TNFRSF1A: variants seen among roughly 807,000 people sequenced by gnomAD.
TNFRSF1A encodes the protein TNF receptor superfamily member 1A.
In TNFRSF1A, 9 loss-of-function variants were observed where a neutral mutation model predicts 41.6. The ratio of observed to expected loss-of-function variants is 0.22; its 90% CI spans 0.13 to 0.38. The LOEUF is 0.38. TNFRSF1A is among the 10% of genes least tolerant of loss of function. The pLI, the probability that TNFRSF1A is intolerant of heterozygous loss-of-function variation, is 1.00. For synonymous variants in TNFRSF1A, 254 were observed against 248.6 expected, an observed-to-expected ratio of 1.02 and a Z score of -0.21; for missense variants, 463 against 591.5, an observed-to-expected ratio of 0.78 and a Z score of 2.25.
chr12:6,339,108 T>C (rs902431226), intron 1 of TNFRSF1A, among the ~76,000 whole-genome samples: 1 of 152,226 alleles, frequency 6.6e-6, no homozygotes, highest in African/African-American at 2.4e-5. Flanking sequence ...TTTCTCAACA[T>C]GGTTTTTCCA....
chr12:6,339,841 T>TCTCTCACACA (rs762783221), intron 1 of TNFRSF1A, among the ~76,000 whole-genome samples: 4 of 113,738 alleles, frequency 3.5e-5, no homozygotes, highest in East Asian at 4.4e-4. Flanking sequence ...TCTCTCTCTC[T>TCTCTCACACA]CACACACACA....
At chr12:6,330,959 C>G in intron 5 of TNFRSF1A, 33 bp from the exon 6 acceptor site, 3 of 1,587,266 alleles carry the variant, frequency 1.9e-6, no homozygotes, top group East Asian at 2.2e-5. Flanking sequence ...TGAACAGAGG[C>G]CCTACCATTG....
Position 6,333,436 on chromosome 12 carries a change from A to C in TNFRSF1A, c.403T>G (p.Tyr135Asp). The C allele has an allele frequency of 1.2e-6, 2 of 1,614,064 alleles. No homozygotes were observed. Among genetic ancestry groups the C allele is most frequent in the Non-Finnish European group, 1.7e-6 (2 of 1,180,002 alleles). The part of the protein sequence containing the change: ...CGCRKNQYRH[Y>D]WSENLFQCFN... ...CACTGGAAAAGGTTTTCACTCCAAT[A>C]ATGCCGGTACTGGTTCTTCCTGCAG... Residue 135 changes from tyrosine to aspartate, a missense_variant, in exon 4 of 10, where the codon TAT becomes GAT. Coordinates refer to ENST00000162749, the MANE Select transcript of TNFRSF1A (RefSeq NM_001065.4). This position sits in a 1 kb window ranked among gnomAD's most constrained non-coding sequence, Gnocchi z 6.3.
chr12:6,333,220 G>T lies in TNFRSF1A; in HGVS notation c.473-73C>A. On this transcript the variant is annotated intron_variant, in intron 4 of 9. Transcript: ENST00000162749. The surrounding 1 kb of genome is among the most constrained non-coding windows in gnomAD (Gnocchi z 6.3). ...CACCCCACAGGACAGAGGAAGTGAC[G>T]AGGGACAGGGTGGGGGCGGCCAGAG... The T allele has an allele frequency of 6.4e-7, 1 of 1,567,568 alleles. No individual in the cohort carries two copies. Among genetic ancestry groups the T allele is most frequent in the Non-Finnish European group, 8.8e-7 (1 of 1,142,590 alleles).
In TNFRSF1A at chr12:6,341,736, T is replaced by G. The variant is rs1377617240; in HGVS notation, c.39+40A>C. ...GGGCCCACGCCAGCCGGAAGGTGCCTCGCCCACCAGCCCACTCTTCCCTTT... is the reference window on the plus strand; with the variant it reads ...GGGCCCACGCCAGCCGGAAGGTGCCGCGCCCACCAGCCCACTCTTCCCTTT... On this transcript the variant is annotated intron_variant, in intron 1 of 9. Transcript: ENST00000162749. The surrounding 1 kb of genome is among the most constrained non-coding windows in gnomAD (Gnocchi z 4.6). 2 of 1,612,908 alleles carry G rather than the reference T, an allele frequency of 1.2e-6. No homozygotes were observed. The highest frequency in any genetic ancestry group is 1.7e-6 in the Non-Finnish European group (2 of 1,179,524).
At chr12:6,330,453 C>A in intron 7 of TNFRSF1A, 145 bp downstream of exon 7, 1 of 996,398 alleles carries the variant, frequency 1.0e-6, no homozygotes, top group Non-Finnish European at 1.6e-6. Flanking sequence ...TCTCCCCAGC[C>A]ATCCAGGGCC....
At position 6,329,172 on chromosome 12, in the gene TNFRSF1A, A is replaced by C; in HGVS notation, c.*140T>G. 2.6e-6 allele frequency: 2 copies of C among 781,318 alleles called. No individual in the cohort carries two copies. The highest frequency in any genetic ancestry group is 1.8e-5 in the African/African-American group (1 of 55,534). The allele number at this position is 781,318 out of a possible 1,614,324, so 48.4% of individuals were successfully genotyped here. A position where few individuals can be genotyped will look rare whatever the true frequency, so the allele number is the denominator to read the frequency against. ...GGCGCGCAGGCAGCTGAGAAAAGCT[A>C]TGTACATCGAGGGGTTAGCACCAAG... On this transcript the variant is annotated 3_prime_UTR_variant, in exon 10 of 10. Coordinates refer to ENST00000162749, the MANE Select transcript of TNFRSF1A (RefSeq NM_001065.4).
At position 6,330,645 on chromosome 12, in the gene TNFRSF1A, C is replaced by A. The variant is rs773500703; in HGVS notation, c.692G>T (p.Gly231Val). The change falls in exon 7 of 10, where the codon GGT becomes GTT. Residue 231 changes from glycine to valine, a missense_variant. Coordinates refer to ENST00000162749, the MANE Select transcript of TNFRSF1A (RefSeq NM_001065.4). ...GLCLLSLLFI[G>V]LMYRYQRWKS... ...CCACCGTTGGTAGCGATACATTAAA[C>A]CAATGAAGAGGAGGGATAAAAGGCA... is the stretch of plus-strand genomic sequence containing the variant. 6.2e-7 allele frequency: 1 copy of A among 1,613,946 alleles called. No homozygotes were observed. Among genetic ancestry groups the A allele is most frequent in the South Asian group, 1.1e-5 (1 of 91,070 alleles).
chr12:6,330,741 A>T (rs779473595), intron 6 of TNFRSF1A, 30 bp from the exon 7 acceptor site: 1 of 1,596,446 alleles, frequency 6.3e-7, no homozygotes, highest in Admixed American at 1.7e-5. Flanking sequence ...TGGTCAGAGG[A>T]GCGGGCAGAG....
Position 6,333,663 on chromosome 12 carries a change from C to T in TNFRSF1A, c.322+74G>A. On this transcript the variant is annotated intron_variant, in intron 3 of 9. Transcript: ENST00000162749. This position sits in a 1 kb window ranked among gnomAD's most constrained non-coding sequence, Gnocchi z 6.3. ...AAACACACACCTTCCTGCCCACACC[C>T]ACCAGCCTGCACATAGACAGGCACC... 1 of 1,561,546 alleles carries T rather than the reference C, an allele frequency of 6.4e-7. No individual in the cohort carries two copies. Among genetic ancestry groups the T allele is most frequent in the Non-Finnish European group, 8.7e-7 (1 of 1,152,316 alleles).
In TNFRSF1A at chr12:6,333,950, C is replaced by A; in HGVS notation, c.194-85G>T. On this transcript the variant is annotated intron_variant, in intron 2 of 9. Transcript: ENST00000162749. The surrounding 1 kb of genome is among the most constrained non-coding windows in gnomAD (Gnocchi z 6.3). ...TAGGGACAACAGCCAGGGCCGATTCCCTGAAGTCTCTAGGAGAGGAGGGAG... is the reference window on the plus strand; with the variant it reads ...TAGGGACAACAGCCAGGGCCGATTCACTGAAGTCTCTAGGAGAGGAGGGAG... The A allele has an allele frequency of 3.7e-6, 6 of 1,607,888 alleles. No homozygotes were observed. Among genetic ancestry groups the A allele is most frequent in the Non-Finnish European group, 5.1e-6 (6 of 1,176,580 alleles).
In TNFRSF1A at chr12:6,330,289, C is replaced by T; in HGVS notation, c.746G>A (p.Gly249Glu). The T allele has an allele frequency of 6.2e-7, 1 of 1,613,942 alleles. No homozygotes were observed. Among genetic ancestry groups the T allele is most frequent in the Non-Finnish European group, 8.5e-7 (1 of 1,179,854 alleles). Reference sequence around the variant, plus strand: ...CACCTCTTTTTCAGGTGTCGATTTCCCACAAACTGAGGAAAAAGAAAGAAA... The same window carrying T: ...CACCTCTTTTTCAGGTGTCGATTTCTCACAAACTGAGGAAAAAGAAAGAAA... ...WKSKLYSIVC[G>E]KSTPEKEGEL... is the part of the protein sequence containing the mutation. Residue 249 changes from glycine to glutamate, a missense_variant, in exon 8 of 10, where the codon GGG becomes GAG. By Grantham distance (98) the Gly-to-Glu change is moderately conservative. Around this residue, in one of 4 missense-constraint regions of TNFRSF1A, gnomAD observed 149 missense variants for 239.4 expected, o/e 0.62. Coordinates refer to ENST00000162749, the MANE Select transcript of TNFRSF1A (RefSeq NM_001065.4).
intron 1 of TNFRSF1A, among the ~76,000 whole-genome samples, chr12:6,338,820 G>C (rs946375000): frequency 6.6e-6 from 1 of 152,118 alleles, no homozygotes; most frequent in South Asian, 2.1e-4. Flanking sequence ...TGTAGAGACA[G>C]GGTTTTGCTG....
chr12:6,339,841 T>TCTCTCTCTCTCTCA (rs762783221), intron 1 of TNFRSF1A, among the ~76,000 whole-genome samples: 19 of 113,650 alleles, frequency 1.7e-4, no homozygotes, highest in African/African-American at 6.9e-4. Flanking sequence ...TCTCTCTCTC[T>TCTCTCTCTCTCTCA]CACACACACA....
chr12:6,332,990 C>T, intron 5 of TNFRSF1A, 79 bp downstream of exon 5: 2 of 1,347,726 alleles, frequency 1.5e-6, no homozygotes, highest in Non-Finnish European at 1.1e-6. Context: ...GCATCTGTTG[C>T]CCAGCTAATG....
At position 6,329,917 on chromosome 12, in the gene TNFRSF1A, G is replaced by T. The variant is rs200325098; in HGVS notation, c.918C>A (p.Asn306Lys). 2 of 1,573,002 alleles carry T rather than the reference G, an allele frequency of 1.3e-6. No homozygotes were observed. Among genetic ancestry groups the T allele is most frequent in the African/African-American group, 1.4e-5 (1 of 74,008 alleles). ...CCACCTCTCTGCGGGGAGCCGCAAAGTTGGGACAGTCACCGGGGGTATAGG... is the reference window on the plus strand; with the variant it reads ...CCACCTCTCTGCGGGGAGCCGCAAATTTGGGACAGTCACCGGGGGTATAGG... ...SSTYTPGDCP[N>K]FAAPRREVAP... Residue 306 changes from asparagine to lysine, a missense_variant, in exon 9 of 10, where the codon AAC becomes AAA. Physicochemically the swap from Asn to Lys is moderately conservative, Grantham distance 94. This residue lies in a region of TNFRSF1A where 277 missense variants were observed against 288.8 expected (regional missense o/e 0.96). Transcript: ENST00000162749.
In TNFRSF1A at chr12:6,333,696, C is replaced by T; in HGVS notation, c.322+41G>A. On this transcript the variant is annotated intron_variant, in intron 3 of 9. Transcript: ENST00000162749. This position sits in a 1 kb window ranked among gnomAD's most constrained non-coding sequence, Gnocchi z 6.3. ...TGCACATAGACAGGCACCCACACACCACTCAAGACCCGCCTGACTCTCCTG... is the reference window on the plus strand; with the variant it reads ...TGCACATAGACAGGCACCCACACACTACTCAAGACCCGCCTGACTCTCCTG... The T allele has an allele frequency of 1.9e-6, 3 of 1,560,368 alleles. No individual in the cohort carries two copies. Among genetic ancestry groups the T allele is most frequent in the Non-Finnish European group, 2.6e-6 (3 of 1,151,556 alleles).
Position 6,333,278 on chromosome 12 carries a change from A to C in TNFRSF1A, c.472+89T>G. The C allele has an allele frequency of 6.4e-7, 1 of 1,559,032 alleles. No individual in the cohort carries two copies. The highest frequency in any genetic ancestry group is 1.1e-5 in the South Asian group (1 of 87,684). On this transcript the variant is annotated intron_variant, in intron 4 of 9. Transcript: ENST00000162749. This position sits in a 1 kb window ranked among gnomAD's most constrained non-coding sequence, Gnocchi z 6.3. ...GGTTGTCAGACCCACAGAATACAGG[A>C]GGGGGAAGGAAAGGAAGTGCCACCG...
rs200292857 is a variant in TNFRSF1A, at chr12:6,329,974, G to C, written c.861C>G (p.Pro287=). Reference sequence around the variant, plus strand: ...TGGAGGTGAAGGTGGAACTGGGCACGGGACTGAAGCCCAGGGTGGGGGTGA... The same window carrying C: ...TGGAGGTGAAGGTGGAACTGGGCACCGGACTGAAGCCCAGGGTGGGGGTGA... ...PGFTPTLGFS[P]VPSSTFTSSS... Residue 287 remains proline (P), a synonymous_variant, in exon 9 of 10, where the codon CCC becomes CCG. Coordinates refer to ENST00000162749, the MANE Select transcript of TNFRSF1A (RefSeq NM_001065.4). 2.1e-5 allele frequency: 33 copies of C among 1,587,844 alleles called. No homozygotes were observed. In the South Asian group the frequency reaches 3.6e-4, roughly 17 times the overall value.
Sources: gnomAD v4.1 joint callset for allele counts (sites outside exome capture counted in the v4.1 genomes callset) on GRCh38, gnomAD v4.1.1 for gene constraint, gnomAD v4.1.1 regional missense constraint, Gnocchi (gnomAD v3.1) non-coding constraint, MANE v1.5 for transcripts, NCBI Gene and HGNC (gene_info 2026-07-23, HGNC 2026-07-21) for gene names.